The following PCDH9 variants were observed in gnomAD, a reference collection of about 807,000 sequenced individuals.
PCDH9 encodes protocadherin-9.
Under a neutral mutation model 70.6 loss-of-function variants are expected in PCDH9, and 24 were observed. That is an observed-to-expected ratio of 0.34 (90% CI 0.25 to 0.48). The LOEUF (loss-of-function observed/expected upper bound fraction) is 0.48. PCDH9 is among the 20% of genes least tolerant of loss of function. PCDH9 has a pLI of 0.99. For synonymous variants in PCDH9, 562 were observed against 558.5 expected (o/e 1.01, Z -0.09); for missense variants, 1,281 against 1,503.6 (o/e 0.85, Z 2.45).
chr13:66,341,205 A>C (rs1956117960), intron 4 of PCDH9, among the ~76,000 whole-genome samples: 1 of 151,796 alleles, frequency 6.6e-6, no homozygotes, highest in South Asian at 2.1e-4. Context: ...CAATCCTCCC[A>C]CCTCAGCATC....
At chr13:66,337,108 G>A (rs1167411176) in intron 4 of PCDH9, among the ~76,000 whole-genome samples, 1 of 151,890 alleles carries the variant, frequency 6.6e-6, no homozygotes, top group East Asian at 1.9e-4. Flanking sequence ...ATGGTGTGAT[G>A]AGTTTGCTTA....
chr13:66,494,783 T>G (rs1267252548), intron 4 of PCDH9, among the ~76,000 whole-genome samples: 1 of 152,200 alleles, frequency 6.6e-6, no homozygotes, highest in African/African-American at 2.4e-5. Context: ...TTGTTTTTAA[T>G]GAGTTGGGCA....
intron 2 of PCDH9, among the ~76,000 whole-genome samples, chr13:66,907,268 C>T (rs2082377826): frequency 1.3e-5 from 2 of 151,932 alleles, no homozygotes; most frequent in African/African-American, 4.8e-5. Context: ...TACTGTTTGC[C>T]CAATTTAATA....
At chr13:66,420,372 G>T (rs1312373392) in intron 4 of PCDH9, among the ~76,000 whole-genome samples, 1 of 152,196 alleles carries the variant, frequency 6.6e-6, no homozygotes, top group Non-Finnish European at 1.5e-5. Flanking sequence ...TGTGCCTCAT[G>T]ATGGGGAGAC....
At chr13:67,119,658 G>A (rs2086841230) in intron 2 of PCDH9, among the ~76,000 whole-genome samples, 1 of 152,120 alleles carries the variant, frequency 6.6e-6, no homozygotes, top group Non-Finnish European at 1.5e-5. Context: ...CAGGATTCAG[G>A]AGTAGCCCTT....
chr13:66,695,398 T>G (rs1170315952), intron 3 of PCDH9, among the ~76,000 whole-genome samples: 2 of 152,162 alleles, frequency 1.3e-5, no homozygotes, highest in South Asian at 4.1e-4. Context: ...GACTGGGATA[T>G]TTAAAATAAG....
chr13:67,017,652 AATTAT>A (rs2084589756), intron 2 of PCDH9, among the ~76,000 whole-genome samples: 1 of 152,220 alleles, frequency 6.6e-6, no homozygotes, highest in African/African-American at 2.4e-5. Context: ...TTTAGAACTT[AATTAT>A]ATCCCAAATG....
chr13:67,184,486 T>C (rs573437022), intron 2 of PCDH9, among the ~76,000 whole-genome samples: 2 of 152,262 alleles, frequency 1.3e-5, no homozygotes, highest in African/African-American at 2.4e-5. Flanking sequence ...CACAGAACTC[T>C]GGGAGGCTAA....
chr13:67,055,652 T>A (rs1216567282), intron 2 of PCDH9, among the ~76,000 whole-genome samples: 1 of 128,830 alleles, frequency 7.8e-6, no homozygotes, highest in Non-Finnish European at 1.7e-5. Flanking sequence ...AAAAAAAAAA[T>A]TAGCTGGGCA....
intron 3 of PCDH9, among the ~76,000 whole-genome samples, chr13:66,880,897 G>A (rs571718798): frequency 1.1e-4 from 17 of 152,276 alleles, no homozygotes; most frequent in African/African-American, 4.1e-4. Context: ...GGTAACAATT[G>A]CAGGTTCTAC....
intron 2 of PCDH9, among the ~76,000 whole-genome samples, chr13:66,980,726 C>CTTTTTTTTTTTTTT (rs1327800250): frequency 5.4e-4 from 18 of 33,374 alleles, no homozygotes; most frequent in East Asian, 1.2e-3. Flanking sequence ...CTGTTTTTTT[C>CTTTTTTTTTTTTTT]TTTGTTTTTT....
At chr13:67,071,888 C>CAAAAAAAAAAAA (rs5804309) in intron 2 of PCDH9, among the ~76,000 whole-genome samples, 1,129 of 86,550 alleles carry the variant, frequency 0.013, 19 homozygotes, top group African/African-American at 0.032. Context: ...GACTTTGTCT[C>CAAAAAAAAAAAA]AAAAAAAAAA....
intron 2 of PCDH9, among the ~76,000 whole-genome samples, chr13:67,063,939 G>T (rs1295044252): frequency 6.6e-6 from 1 of 152,162 alleles, no homozygotes; most frequent in East Asian, 1.9e-4. Flanking sequence ...GAAAATTGTA[G>T]AGAGAGCAAG....
intron 3 of PCDH9, among the ~76,000 whole-genome samples, chr13:66,718,646 T>C (rs2078902177): frequency 6.6e-6 from 1 of 152,164 alleles, no homozygotes; most frequent in South Asian, 2.1e-4. Flanking sequence ...AAGTGTATGG[T>C]TAAGTTACTA....
intron 4 of PCDH9, among the ~76,000 whole-genome samples, chr13:66,485,855 T>C (rs1958930307): frequency 6.6e-6 from 1 of 151,862 alleles, no homozygotes; most frequent in South Asian, 2.1e-4. Context: ...GATTCTCATG[T>C]AGCTGGGATT....
At chr13:67,132,588 AATGGCAG>A (rs2138334289) in intron 2 of PCDH9, among the ~76,000 whole-genome samples, 1 of 152,264 alleles carries the variant, frequency 6.6e-6, no homozygotes, top group East Asian at 1.9e-4. Context: ...TCATAGCAAC[AATGGCAG>A]ATGACACAAA....
At chr13:67,118,565 C>T (rs1481208635) in intron 2 of PCDH9, among the ~76,000 whole-genome samples, 2 of 152,098 alleles carry the variant, frequency 1.3e-5, no homozygotes, top group African/African-American at 2.4e-5. Context: ...GAGCTCCCAG[C>T]ATTTGTTCTT....
chr13:66,600,039 T>C (rs2077147236), intron 4 of PCDH9, among the ~76,000 whole-genome samples: 1 of 151,910 alleles, frequency 6.6e-6, no homozygotes, highest in Non-Finnish European at 1.5e-5. Flanking sequence ...ATTTCATTGA[T>C]ATTTCCTTCT....
intron 2 of PCDH9, among the ~76,000 whole-genome samples, chr13:66,921,858 C>G (rs906013679): frequency 2.6e-5 from 4 of 151,302 alleles, no homozygotes; most frequent in African/African-American, 9.7e-5. Flanking sequence ...TTTCAACAGT[C>G]ATTTAAACTG....
Sources: allele counts gnomAD v4.1 joint callset (sites outside exome capture counted in the v4.1 genomes callset), GRCh38; gene constraint gnomAD v4.1.1; transcripts MANE v1.5; gene names NCBI Gene and HGNC (gene_info 2026-07-23, HGNC 2026-07-21).